Variants in ULK4 observed in about 807,000 individuals in gnomAD.
ULK4 encodes the protein unc-51 like kinase 4.
Under a neutral mutation model 160.6 loss-of-function variants are expected in ULK4, and 133 were observed. That is an observed-to-expected ratio of 0.83 (90% CI 0.72 to 0.96). ULK4 has a LOEUF of 0.96. Ranked by LOEUF, ULK4 falls within the 40% of genes least tolerant of loss-of-function variation. ULK4 has a pLI of 0.00. For synonymous variants in ULK4, 534 were observed against 539.8 expected, an observed-to-expected ratio of 0.99 and a Z score of 0.15; for missense variants, 1,580 against 1,499.5, an observed-to-expected ratio of 1.05 and a Z score of -0.89.
At chr3:41,671,222 T>C (rs1034591276) in intron 29 of ULK4, among the ~76,000 whole-genome samples, 3 of 151,732 alleles carry the variant, frequency 2.0e-5, no homozygotes, top group African/African-American at 4.8e-5. Flanking sequence ...TTTAAAGAAA[T>C]AGAAAAATAA....
chr3:41,765,488 A>G (rs2125912416), intron 21 of ULK4, among the ~76,000 whole-genome samples: 1 of 152,284 alleles, frequency 6.6e-6, no homozygotes, highest in South Asian at 2.1e-4. Flanking sequence ...GCACACCAAC[A>G]TAGCACATGT....
intron 11 of ULK4, among the ~76,000 whole-genome samples, chr3:41,909,124 G>A (rs1447526757): frequency 6.7e-6 from 1 of 149,410 alleles, no homozygotes; most frequent in Non-Finnish European, 1.5e-5. Flanking sequence ...AGCCCAGCAT[G>A]GTGGTGCATG....
chr3:41,365,579 C>T (rs974293985), intron 35 of ULK4, among the ~76,000 whole-genome samples: 1 of 152,122 alleles, frequency 6.6e-6, no homozygotes, highest in African/African-American at 2.4e-5. Context: ...CTCATTTAAT[C>T]CTCATAACAA....
At chr3:41,763,083 C>G (rs1357919266) in intron 21 of ULK4, among the ~76,000 whole-genome samples, 4 of 152,142 alleles carry the variant, frequency 2.6e-5, no homozygotes, top group African/African-American at 9.7e-5. Flanking sequence ...CTTCCCTCCA[C>G]ACGTGCGAAT....
intron 32 of ULK4, among the ~76,000 whole-genome samples, chr3:41,522,062 G>T (rs17058410): frequency 1.3e-5 from 2 of 151,354 alleles, no homozygotes; most frequent in East Asian, 1.9e-4. Context: ...AGTGTTATAC[G>T]TCCCTCCTTG....
At chr3:41,472,879 T>C (rs970133726) in intron 32 of ULK4, among the ~76,000 whole-genome samples, 9 of 152,174 alleles carry the variant, frequency 5.9e-5, no homozygotes, top group South Asian at 4.1e-4. Context: ...CTCAATAAAA[T>C]GCTAATAAAC....
At position 41,398,146 on chromosome 3, in the gene ULK4, G is replaced by A; in HGVS notation, c.3611C>T (p.Ala1204Val). ...GTCCTCCTTGGATGTCAGTAAATGA[G>A]CAAAAATTTCCACATTTTCAGGAGA... ...SLSPENVEIF[A>V]HLLTSKEDPK... The change falls in exon 35 of 37, where the codon GCT becomes GTT. Residue 1204 changes from alanine to valine, a missense_variant. Ala to Val is a moderately conservative substitution (Grantham distance 64, BLOSUM62 0). Coordinates refer to ENST00000301831, the MANE Select transcript of ULK4 (RefSeq NM_017886.4). 7 of 1,613,488 alleles carry A rather than the reference G, an allele frequency of 4.3e-6. No homozygotes were observed. The highest frequency in any genetic ancestry group is 5.9e-6 in the Non-Finnish European group (7 of 1,179,668).
intron 22 of ULK4, among the ~76,000 whole-genome samples, chr3:41,730,096 A>G (rs2037775243): frequency 6.6e-6 from 1 of 152,222 alleles, no homozygotes. Flanking sequence ...TCTCTGATAC[A>G]AATAAAAATG....
intron 27 of ULK4, among the ~76,000 whole-genome samples, chr3:41,697,404 G>A (rs1430017192): frequency 7.4e-6 from 1 of 135,354 alleles, no homozygotes; most frequent in Non-Finnish European, 1.5e-5. Flanking sequence ...GTTTAGAAAG[G>A]ATAAAAAAAA....
chr3:41,706,013 G>A (rs570445225), intron 25 of ULK4, among the ~76,000 whole-genome samples: 5 of 152,044 alleles, frequency 3.3e-5, no homozygotes, highest in South Asian at 2.1e-4. Context: ...TAGTAGTTTC[G>A]CTCTCAAGGC....
At chr3:41,928,425 A>C (rs1401008693) in intron 5 of ULK4, among the ~76,000 whole-genome samples, 1 of 152,278 alleles carries the variant, frequency 6.6e-6, no homozygotes, top group South Asian at 2.1e-4. Context: ...ACACCCTAAC[A>C]TCGCAATTAA....
intron 32 of ULK4, among the ~76,000 whole-genome samples, chr3:41,505,819 T>C (rs774246183): frequency 6.6e-6 from 1 of 152,160 alleles, no homozygotes; most frequent in East Asian, 1.9e-4. Flanking sequence ...TCTTAACTTA[T>C]TGTCCTGGCT....
chr3:41,269,502 C>G (rs1226788668), intron 35 of ULK4, among the ~76,000 whole-genome samples: 3 of 152,214 alleles, frequency 2.0e-5, no homozygotes, highest in Non-Finnish European at 4.4e-5. Context: ...TATTAGGAGG[C>G]TACAGTCCAT....
At chr3:41,478,663 T>C (rs2084216277) in intron 32 of ULK4, among the ~76,000 whole-genome samples, 1 of 152,180 alleles carries the variant, frequency 6.6e-6, no homozygotes, top group Non-Finnish European at 1.5e-5. Context: ...TAAACTCAAT[T>C]ATAAAATCCC....
At chr3:41,556,782 C>T (rs966547348) in intron 32 of ULK4, among the ~76,000 whole-genome samples, 3 of 151,704 alleles carry the variant, frequency 2.0e-5, no homozygotes, top group Non-Finnish European at 2.9e-5. Flanking sequence ...CCACTGTGCC[C>T]GGCCCAAACT....
chr3:41,246,790 C>T lies in ULK4; in HGVS notation c.*139G>A, dbSNP rs989136372. On this transcript the variant is annotated 3_prime_UTR_variant, in exon 37 of 37. Transcript: ENST00000301831. Reference sequence around the variant, plus strand: ...CTGGGGTTAGTGAGCACTTGGGCCACCAGGTTCTGGGTTAAGCTGACTTTA... The same window carrying T: ...CTGGGGTTAGTGAGCACTTGGGCCATCAGGTTCTGGGTTAAGCTGACTTTA... The T allele has an allele frequency of 2.0e-6, 2 of 1,011,618 alleles. No homozygotes were observed. The highest frequency in any genetic ancestry group is 2.9e-6 in the Non-Finnish European group (2 of 694,776). The allele number at this position is 1,011,618 out of a possible 1,614,324, so 62.7% of individuals were successfully genotyped here. A position where few individuals can be genotyped will look rare whatever the true frequency, so the allele number is the denominator to read the frequency against.
At chr3:41,689,123 G>A (rs1009401803) in intron 27 of ULK4, among the ~76,000 whole-genome samples, 1 of 152,080 alleles carries the variant, frequency 6.6e-6, no homozygotes, top group Non-Finnish European at 1.5e-5. Context: ...CTCCAATCAG[G>A]GCACACCTGA....
rs58977381 is a variant in ULK4, at chr3:41,881,284, T to TAA, written c.1656+2588_1656+2589dup. Reference sequence around the variant, plus strand: ...CCACACATCCTGTAGCAGAAACTTCTAAAAAAAAAAAAAAAAAAAAAAAAA... The same window carrying TAA: ...CCACACATCCTGTAGCAGAAACTTCTAAAAAAAAAAAAAAAAAAAAAAAAAAA... On this transcript the variant is annotated intron_variant, in intron 17 of 36. Coordinates refer to ENST00000301831, the MANE Select transcript of ULK4 (RefSeq NM_017886.4). Among the ~76,000 whole-genome samples the TAA allele has an allele frequency of 1.5e-3, 188 of 126,238 alleles. 10 individuals carry two copies. The highest frequency in any genetic ancestry group is 5.9e-3 in the African/African-American group (162 of 27,602). 82.8% of individuals were successfully genotyped at this position (126,238 alleles called of 152,430 possible).
intron 31 of ULK4, among the ~76,000 whole-genome samples, chr3:41,586,960 T>G (rs148582595): frequency 2.2e-3 from 328 of 152,264 alleles, no homozygotes; most frequent in East Asian, 0.013. Context: ...CAGCCATTTA[T>G]TATCTTAGTT....
Sources: allele counts gnomAD v4.1 joint callset (sites outside exome capture counted in the v4.1 genomes callset), GRCh38; gene constraint gnomAD v4.1.1; transcripts MANE v1.5; gene names NCBI Gene and HGNC (gene_info 2026-07-23, HGNC 2026-07-21).